The following RALYL variants were observed in gnomAD, a reference collection of about 807,000 sequenced individuals.
RALYL encodes the protein RNA-binding Raly-like protein.
In RALYL, 29 loss-of-function variants were observed where a neutral mutation model predicts 35.1. That is an observed-to-expected ratio of 0.83 (90% CI 0.61 to 1.13). The LOEUF (loss-of-function observed/expected upper bound fraction) is 1.13, where lower values mean the gene tolerates loss of function less well. Among genes scored for constraint, RALYL ranks in the 50% most tolerant of loss-of-function variants. RALYL has a pLI of 0.00. For missense variants in RALYL, 359 were observed against 360.4 expected (o/e 1.00, Z 0.03); for synonymous variants, 120 against 127.6 (o/e 0.94, Z 0.40).
At chr8:84,366,885 C>T (rs1291882326) in intron 1 of RALYL, among the ~76,000 whole-genome samples, 1 of 149,024 alleles carries the variant, frequency 6.7e-6, no homozygotes, top group Non-Finnish European at 1.5e-5. Context: ...CTATTCCTGT[C>T]AAATCAGATT....
intron 1 of RALYL, among the ~76,000 whole-genome samples, chr8:84,316,457 T>C (rs1347260197): frequency 6.6e-6 from 1 of 152,148 alleles, no homozygotes; most frequent in East Asian, 1.9e-4. Context: ...TTTTATTAGA[T>C]GACATAAAAA....
At chr8:84,401,021 G>A (rs2042834801) in intron 1 of RALYL, among the ~76,000 whole-genome samples, 1 of 152,056 alleles carries the variant, frequency 6.6e-6, no homozygotes, top group African/African-American at 2.4e-5. Flanking sequence ...AAGTTTTCTG[G>A]TTGTTCATTT....
chr8:84,517,167 C>T (rs1219449780), intron 1 of RALYL, among the ~76,000 whole-genome samples: 1 of 152,162 alleles, frequency 6.6e-6, no homozygotes, highest in African/African-American at 2.4e-5. Flanking sequence ...TCCATGCAGT[C>T]ATTCTGGCCC....
chr8:84,790,294 A>G (rs970133614), intron 3 of RALYL, among the ~76,000 whole-genome samples: 1 of 152,236 alleles, frequency 6.6e-6, no homozygotes, highest in African/African-American at 2.4e-5. Context: ...ATTGGTGGCA[A>G]GAGAGATGAA....
chr8:84,317,278 T>TAA (rs1055991210), intron 1 of RALYL, among the ~76,000 whole-genome samples: 1 of 152,174 alleles, frequency 6.6e-6, no homozygotes, highest in African/African-American at 2.4e-5. Flanking sequence ...TTAAGGATAT[T>TAA]AAATCTAAAC....
intron 1 of RALYL, among the ~76,000 whole-genome samples, chr8:84,340,975 T>C (rs1848679482): frequency 6.6e-6 from 1 of 151,988 alleles, no homozygotes; most frequent in Non-Finnish European, 1.5e-5. Flanking sequence ...TTGCAAGTAT[T>C]TGTTGTTATT....
chr8:84,719,923 C>T (rs1329990408), intron 2 of RALYL, among the ~76,000 whole-genome samples: 29 of 152,058 alleles, frequency 1.9e-4, no homozygotes, highest in Admixed American at 1.9e-3. Flanking sequence ...TACCCCAGCC[C>T]CTTTCCACTC....
chr8:84,510,923 A>ACCTATCATTT (rs1408524594), intron 1 of RALYL, among the ~76,000 whole-genome samples: 1 of 152,178 alleles, frequency 6.6e-6, no homozygotes, highest in African/African-American at 2.4e-5. Context: ...CACCTCACTC[A>ACCTATCATTT]CCTATCATTT....
At chr8:84,517,172 T>G (rs997560418) in intron 1 of RALYL, among the ~76,000 whole-genome samples, 6 of 152,220 alleles carry the variant, frequency 3.9e-5, no homozygotes, top group African/African-American at 1.2e-4. Context: ...GCAGTCATTC[T>G]GGCCCCAATG....
chr8:84,300,004 T>G (rs1423766549), intron 1 of RALYL, among the ~76,000 whole-genome samples: 3 of 151,926 alleles, frequency 2.0e-5, no homozygotes, highest in African/African-American at 7.2e-5. Flanking sequence ...GCTTTTATTT[T>G]TTGAGTTCCT....
chr8:84,245,685 C>G (rs1488070722), intron 1 of RALYL, among the ~76,000 whole-genome samples: 2 of 152,094 alleles, frequency 1.3e-5, no homozygotes, highest in Non-Finnish European at 2.9e-5. Context: ...CATTTGTTAA[C>G]ATTAAAGTAA....
chr8:84,686,665 A>G (rs1373973557), intron 2 of RALYL, among the ~76,000 whole-genome samples: 1 of 152,156 alleles, frequency 6.6e-6, no homozygotes, highest in Admixed American at 6.6e-5. Flanking sequence ...TCGGCCTCCC[A>G]AAGTGCTGGG....
chr8:84,227,612 T>C (rs945661951), intron 1 of RALYL, among the ~76,000 whole-genome samples: 2 of 152,168 alleles, frequency 1.3e-5, no homozygotes, highest in Non-Finnish European at 2.9e-5. Flanking sequence ...TAAATTTTGA[T>C]TTTTTGGCAT....
chr8:84,345,808 G>T (rs1214094879), intron 1 of RALYL, among the ~76,000 whole-genome samples: 1 of 152,016 alleles, frequency 6.6e-6, no homozygotes, highest in African/African-American at 2.4e-5. Context: ...CCTACTCTTG[G>T]GGAGCTTCAC....
intron 3 of RALYL, among the ~76,000 whole-genome samples, chr8:84,796,504 T>C (rs557031819): frequency 7.9e-5 from 12 of 152,300 alleles, no homozygotes; most frequent in African/African-American, 2.9e-4. Context: ...ACTGATAGGA[T>C]TATGTTATGT....
Position 84,826,757 on chromosome 8 carries a change from C to T in RALYL, c.365+21955C>T, listed in dbSNP as rs188127762. ...ATTCACACACCCACCCACACACATA[C>T]GCCCAAACACACCCCCACGCCCCCG... On this transcript the variant is annotated intron_variant, in intron 4 of 8. Coordinates refer to ENST00000521268, the MANE Select transcript of RALYL (RefSeq NM_173848.7). Among the ~76,000 whole-genome samples, 323 of 151,972 alleles carry T rather than the reference C, an allele frequency of 2.1e-3. 3 individuals are homozygous for T. The highest frequency in any genetic ancestry group is 7.3e-3 in the African/African-American group (303 of 41,442).
chr8:84,669,490 C>T (rs1025832891), intron 2 of RALYL, among the ~76,000 whole-genome samples: 1 of 49,650 alleles, frequency 2.0e-5, no homozygotes, highest in African/African-American at 9.1e-5. Context: ...TCCCCCCTCC[C>T]CCCCCCCCCA....
At chr8:84,232,661 TC>T (rs905235918) in intron 1 of RALYL, among the ~76,000 whole-genome samples, 1 of 152,162 alleles carries the variant, frequency 6.6e-6, no homozygotes, top group Admixed American at 6.6e-5. Context: ...CTAGATTTAG[TC>T]ATTCCACATG....
At chr8:84,800,581 T>A (rs78424310) in intron 3 of RALYL, among the ~76,000 whole-genome samples, 1 of 152,140 alleles carries the variant, frequency 6.6e-6, no homozygotes, top group Non-Finnish European at 1.5e-5. Flanking sequence ...TTCTAGTGGG[T>A]CCTGAATGAA....
Sources: gnomAD v4.1 joint callset for allele counts (sites outside exome capture counted in the v4.1 genomes callset) on GRCh38, gnomAD v4.1.1 for gene constraint, MANE v1.5 for transcripts, NCBI Gene and HGNC (gene_info 2026-07-23, HGNC 2026-07-21) for gene names.